SOX5: variants seen among roughly 807,000 people sequenced by gnomAD.
SOX5 encodes transcription factor SOX-5.
Under a neutral mutation model 92.0 loss-of-function variants are expected in SOX5, and 9 were observed. That is an observed-to-expected ratio of 0.10 (90% CI 0.06 to 0.17). The LOEUF (loss-of-function observed/expected upper bound fraction) is 0.17, where lower values mean the gene tolerates loss of function less well. SOX5 is among the 10% of genes least tolerant of loss of function. The pLI is 1.00. For synonymous variants in SOX5, 344 were observed against 336.3 expected, an observed-to-expected ratio of 1.02 and a Z score of -0.25; for missense variants, 642 against 944.5, an observed-to-expected ratio of 0.68 and a Z score of 4.20.
intron 3 of SOX5, among the ~76,000 whole-genome samples, chr12:24,233,880 C>T (rs1310691457): frequency 6.6e-6 from 1 of 152,162 alleles, no homozygotes. Flanking sequence ...ATGAACAGAT[C>T]AAAGATCAGA....
chr12:24,325,770 TG>T (rs1316205210), intron 2 of SOX5, among the ~76,000 whole-genome samples: 4 of 152,278 alleles, frequency 2.6e-5, no homozygotes, highest in Admixed American at 2.6e-4. Flanking sequence ...AGTTCCAGAA[TG>T]AGATGGATAA....
Position 24,108,918 on chromosome 12 carries a change from T to C in SOX5, c.-2+104425A>G, listed in dbSNP as rs1036763374. Among the ~76,000 whole-genome samples the C allele has an allele frequency of 3.5e-4, 53 of 152,126 alleles. 1 individual carries two copies. Among genetic ancestry groups the C allele is most frequent in the Non-Finnish European group, 2.9e-5 (2 of 67,948 alleles). On this transcript the variant is annotated intron_variant, in intron 4 of 4. Coordinates refer to the SOX5 transcript ENST00000446891. Reference sequence around the variant, plus strand: ...TACTGATATTGGGTTCATTATATAGTCATCATTAACATGATTTTTACTTAA... The same window carrying C: ...TACTGATATTGGGTTCATTATATAGCCATCATTAACATGATTTTTACTTAA...
intron 4 of SOX5, among the ~76,000 whole-genome samples, chr12:23,992,313 G>A (rs1950636083): frequency 6.6e-6 from 1 of 152,024 alleles, no homozygotes; most frequent in Non-Finnish European, 1.5e-5. Context: ...TAGTAAATCT[G>A]CACAGAAACT....
intron 9 of SOX5, among the ~76,000 whole-genome samples, chr12:23,578,123 A>T: frequency 1.7e-5 from 1 of 57,396 alleles, no homozygotes; most frequent in Non-Finnish European, 4.4e-5. Flanking sequence ...GTGTCAAAAA[A>T]AAAAAAAAAA....
chr12:24,252,657 G>A (rs1940336789), intron 3 of SOX5, among the ~76,000 whole-genome samples: 2 of 151,718 alleles, frequency 1.3e-5, no homozygotes, highest in Non-Finnish European at 2.9e-5. Context: ...GTTTAGGTGG[G>A]GAGGAAATTG....
chr12:23,597,114 T>C (rs7980843), intron 9 of SOX5, among the ~76,000 whole-genome samples: 2,092 of 152,250 alleles, frequency 0.014, 48 homozygotes, highest in African/African-American at 0.048. Flanking sequence ...CATCCTCTTC[T>C]TTCCCCATGG....
At chr12:23,826,755 G>C (rs1394096080) in intron 3 of SOX5, among the ~76,000 whole-genome samples, 1 of 152,056 alleles carries the variant, frequency 6.6e-6, no homozygotes, top group Non-Finnish European at 1.5e-5. Context: ...GGTGCATTTT[G>C]TTCATTTATA....
chr12:24,114,573 CAAAAAA>C (rs55913110), intron 4 of SOX5, among the ~76,000 whole-genome samples: 19 of 40,586 alleles, frequency 4.7e-4, no homozygotes, highest in African/African-American at 1.2e-3. Context: ...CACCCCGTCA[CAAAAAA>C]AAAAAAAAAA....
At chr12:24,429,413 T>C (rs1375069837) in intron 1 of SOX5, among the ~76,000 whole-genome samples, 1 of 152,130 alleles carries the variant, frequency 6.6e-6, no homozygotes, top group Non-Finnish European at 1.5e-5. Flanking sequence ...TCAACTGTTA[T>C]TCATTTTTAT....
intron 4 of SOX5, among the ~76,000 whole-genome samples, chr12:24,002,801 A>C (rs1951740370): frequency 6.6e-6 from 1 of 152,116 alleles, no homozygotes; most frequent in Admixed American, 6.6e-5. Flanking sequence ...TAGAAGACTA[A>C]GGATCAATTA....
intron 4 of SOX5, among the ~76,000 whole-genome samples, chr12:23,979,157 G>T (rs992322761): frequency 9.9e-5 from 15 of 151,870 alleles, no homozygotes; most frequent in African/African-American, 3.4e-4. Context: ...TTGTTTGGTT[G>T]CTTTATTTAG....
chr12:24,493,399 T>C lies in SOX5; in HGVS notation c.-251+68930A>G, dbSNP rs1947288673. ...AAAAAGAAGTAAAAACTAAGGAAAT[T>C]AGAATAAAGTATGGACTTTAATACT... On this transcript the variant is annotated intron_variant, in intron 1 of 4. Transcript: ENST00000446891. Among the ~76,000 whole-genome samples the C allele has an allele frequency of 2.0e-5, 3 of 152,148 alleles. No homozygotes were observed. The South Asian group carries it at 6.2e-4, about 31-fold the overall frequency.
At chr12:24,007,815 A>G (rs981923441) in intron 4 of SOX5, among the ~76,000 whole-genome samples, 3 of 73,702 alleles carry the variant, frequency 4.1e-5, no homozygotes, top group Admixed American at 1.4e-4. Flanking sequence ...ACACACACAC[A>G]CACACACATA....
chr12:23,650,935 T>A (rs2081481740), intron 7 of SOX5, among the ~76,000 whole-genome samples: 1 of 152,120 alleles, frequency 6.6e-6, no homozygotes, highest in Non-Finnish European at 1.5e-5. Flanking sequence ...TGTTAAAAAC[T>A]ATTGCAAATA....
chr12:23,953,445 C>T (rs1226621054), upstream of SOX5, among the ~76,000 whole-genome samples: 1 of 151,996 alleles, frequency 6.6e-6, no homozygotes, highest in East Asian at 1.9e-4. Flanking sequence ...ACAACTAATA[C>T]CGCAATGTGA....
intron 1 of SOX5, among the ~76,000 whole-genome samples, chr12:24,438,777 T>C (rs1939949998): frequency 6.6e-6 from 1 of 152,204 alleles, no homozygotes; most frequent in Non-Finnish European, 1.5e-5. Flanking sequence ...AAAACTTTAA[T>C]GGATGAGGAG....
At chr12:24,296,697 G>C (rs954970876) in intron 2 of SOX5, among the ~76,000 whole-genome samples, 1 of 151,768 alleles carries the variant, frequency 6.6e-6, no homozygotes, top group African/African-American at 2.4e-5. Context: ...GGCAGTGAAA[G>C]TAATATGGAA....
chr12:23,603,642 T>C (rs2074859923), intron 9 of SOX5, among the ~76,000 whole-genome samples: 1 of 151,636 alleles, frequency 6.6e-6, no homozygotes, highest in African/African-American at 2.4e-5. Flanking sequence ...AAGATCTTAA[T>C]ACAAATACAA....
At chr12:24,138,708 T>C (rs931238440) in intron 4 of SOX5, among the ~76,000 whole-genome samples, 2 of 152,244 alleles carry the variant, frequency 1.3e-5, no homozygotes, top group Non-Finnish European at 2.9e-5. Context: ...TTTTACAAAA[T>C]GACCTTCAGT....
Sources: allele counts gnomAD v4.1 joint callset (sites outside exome capture counted in the v4.1 genomes callset), GRCh38; gene constraint gnomAD v4.1.1; transcripts MANE v1.5; gene names NCBI Gene and HGNC (gene_info 2026-07-23, HGNC 2026-07-21).